ZNF462: variants seen among roughly 807,000 people sequenced by gnomAD.
ZNF462 encodes the protein zinc finger protein 462.
ZNF462 carries 10 observed loss-of-function variants against 201.9 expected under a neutral mutation model. That is an observed-to-expected ratio of 0.05 (90% CI 0.03 to 0.08). ZNF462 has a LOEUF of 0.08. Ranked by LOEUF, ZNF462 falls within the 10% of genes least tolerant of loss-of-function variation. ZNF462 has a pLI of 1.00. For synonymous variants in ZNF462, 1,227 were observed against 1,193.3 expected (o/e 1.03, Z -0.58); for missense variants, 2,523 against 3,168.3 (o/e 0.80, Z 4.89).
chr9:106,874,791 G>A (rs2130866979), intron 1 of ZNF462, among the ~76,000 whole-genome samples: 1 of 152,308 alleles, frequency 6.6e-6, no homozygotes, highest in East Asian at 1.9e-4. Flanking sequence ...AAGAACAGAT[G>A]TCAGCTGTTT....
rs1379889244 is a variant in ZNF462, at chr9:106,927,776, C to T, written c.3864C>T (p.His1288=). 3 of 1,614,034 alleles carry T rather than the reference C, an allele frequency of 1.9e-6. No individual in the cohort carries two copies. The highest frequency in any genetic ancestry group is 2.7e-5 in the African/African-American group (2 of 74,902). ...YALRKHIKKD[H]PALKATVTSI... ...TGAGGAAGCATATCAAGAAAGACCA[C>T]CCCGCCCTGAAAGCCACAGTCACGT... The change falls in exon 3 of 13, where the codon CAC becomes CAT. Residue 1288 remains histidine (H), a synonymous_variant. Transcript: ENST00000277225.
At chr9:106,893,676 A>C (rs1288671148) in intron 1 of ZNF462, among the ~76,000 whole-genome samples, 1 of 152,224 alleles carries the variant, frequency 6.6e-6, no homozygotes, top group African/African-American at 2.4e-5. Context: ...AGGAGACGGC[A>C]GGAACTATAT....
rs1020259370 is a variant in ZNF462, at chr9:106,929,511, A to G, written c.5599A>G (p.Thr1867Ala). Residue 1867 changes from threonine (T) to alanine (A), a missense_variant, in exon 3 of 13, where the codon ACT (threonine) becomes GCT (alanine). Thr to Ala is a moderately conservative substitution (Grantham distance 58, BLOSUM62 0). This residue lies in a region of ZNF462 where 207 missense variants were observed against 231.6 expected (regional missense o/e 0.89). Coordinates refer to ENST00000277225, the MANE Select transcript of ZNF462 (RefSeq NM_021224.6). This position sits in a 1 kb window ranked among gnomAD's most constrained non-coding sequence, Gnocchi z 8.7. ...STAELLCMHY[T>A]DHHSRDLKRD... The stretch of plus-strand genomic sequence containing the variant: ...TGCAGAGCTGCTGTGCATGCATTAC[A>G]CTGACCACCACAGTCGGGACCTAAA... 6.2e-7 allele frequency: 1 copy of G among 1,614,100 alleles called. No individual in the cohort carries two copies. The highest frequency in any genetic ancestry group is 1.7e-5 in the Admixed American group (1 of 60,026).
rs1285837194 is a variant in ZNF462, at chr9:106,905,140, C to T, written c.-30-18214C>T. On this transcript the variant is annotated intron_variant, in intron 1 of 12. Transcript: ENST00000277225. The surrounding 1 kb of genome is among the most constrained non-coding windows in gnomAD (Gnocchi z 5.9). Reference sequence around the variant, plus strand: ...TCCCTTGATGTGTAGTACTCTCCCCCTTTTCCTATGGATGTGGCTTCCTAT... The same window carrying T: ...TCCCTTGATGTGTAGTACTCTCCCCTTTTTCCTATGGATGTGGCTTCCTAT... Among the ~76,000 whole-genome samples, 1 of 152,156 alleles carries T rather than the reference C, an allele frequency of 6.6e-6. No homozygotes were observed. The highest frequency in any genetic ancestry group is 1.5e-5 in the Non-Finnish European group (1 of 68,020).
chr9:106,973,998 A>G (rs1252071445), intron 8 of ZNF462, 139 bp from the exon 9 acceptor site: 2 of 1,145,254 alleles, frequency 1.7e-6, no homozygotes, highest in Non-Finnish European at 2.5e-6. Context: ...GTCAACAAAC[A>G]TGATGAACAG....
At chr9:106,877,727 C>CG (rs1827898806) in intron 1 of ZNF462, among the ~76,000 whole-genome samples, 1 of 152,162 alleles carries the variant, frequency 6.6e-6, no homozygotes, top group African/African-American at 2.4e-5. Context: ...AGTTGCCACT[C>CG]TAACTTTGTC....
intron 11 of ZNF462, among the ~76,000 whole-genome samples, chr9:107,007,306 G>GTA (rs1829617375): frequency 6.6e-6 from 1 of 152,290 alleles, no homozygotes; most frequent in African/African-American, 2.4e-5. Flanking sequence ...GATGTGTGTG[G>GTA]TATACCAGGC....
upstream of ZNF462, among the ~76,000 whole-genome samples, chr9:106,862,252 C>A (rs377650076): frequency 6.6e-6 from 1 of 152,360 alleles, no homozygotes; most frequent in African/African-American, 2.4e-5. This position sits in a 1 kb window ranked among gnomAD's most constrained non-coding sequence, Gnocchi z 4.2. Context: ...TTTATACTTG[C>A]AACCTCCAGT....
intron 7 of ZNF462, among the ~76,000 whole-genome samples, chr9:106,967,888 A>AT (rs896977066): frequency 7.3e-5 from 11 of 151,156 alleles, no homozygotes; most frequent in Non-Finnish European, 8.9e-5. Context: ...GTCTTGCTTT[A>AT]TTTTTTTTCA....
In ZNF462 at chr9:106,927,472, C is replaced by T. The variant is rs780292744; in HGVS notation, c.3560C>T (p.Pro1187Leu). ...AGCAGCTCTGAGAGAGATGGCCCTCCTGTGGAGAATGAGATGTTCTTTTGC... is the reference window on the plus strand; with the variant it reads ...AGCAGCTCTGAGAGAGATGGCCCTCTTGTGGAGAATGAGATGTTCTTTTGC... ...NRSSSERDGPPVENEMFFCQH... is the reference protein window; with the variant it reads ...NRSSSERDGPLVENEMFFCQH... The change falls in exon 3 of 13, where the codon CCT (proline) becomes CTT (leucine). Residue 1187 changes from proline to leucine, a missense_variant. Transcript: ENST00000277225. 3.1e-6 allele frequency: 5 copies of T among 1,613,954 alleles called. No homozygotes were observed. In the South Asian group the frequency reaches 3.3e-5, roughly 11 times the overall value.
In ZNF462 at chr9:106,924,637, A is replaced by G. The variant is rs763912584; in HGVS notation, c.725A>G (p.Asn242Ser). Residue 242 changes from asparagine to serine, a missense_variant, in exon 3 of 13, where the codon AAC becomes AGC. By Grantham distance (46) the Asn-to-Ser change is conservative. Around this residue, in one of 15 missense-constraint regions of ZNF462, gnomAD observed 480 missense variants for 544.4 expected, o/e 0.88. Coordinates refer to ENST00000277225, the MANE Select transcript of ZNF462 (RefSeq NM_021224.6). The surrounding 1 kb of genome is among the most constrained non-coding windows in gnomAD (Gnocchi z 6.2). ...AAGCCTTTGACCAAATCTCGAGGCA[A>G]CTTTTGTTGTGAGTGGTGCAGCTAC... is the stretch of plus-strand genomic sequence containing the variant. ...MVKPLTKSRG[N>S]FCCEWCSYQT... The G allele has an allele frequency of 6.2e-6, 10 of 1,614,142 alleles. No individual in the cohort carries two copies. The South Asian group carries it at 9.9e-5, about 16-fold the overall frequency.
chr9:106,891,411 G>A (rs1379099116), intron 1 of ZNF462, among the ~76,000 whole-genome samples: 10 of 151,730 alleles, frequency 6.6e-5, no homozygotes, highest in South Asian at 2.1e-4. Flanking sequence ...TCTTGTTGGC[G>A]GAGACATACA....
At chr9:106,976,236 GC>G (rs1353939289) in intron 9 of ZNF462, 1 of 152,212 alleles carries the variant, frequency 6.6e-6, no homozygotes, top group Non-Finnish European at 1.5e-5. Flanking sequence ...GAGGTGCCAT[GC>G]CCTTGTTCAC....
chr9:106,999,208 CT>C (rs1828980902), intron 10 of ZNF462, among the ~76,000 whole-genome samples: 1 of 152,088 alleles, frequency 6.6e-6, no homozygotes, highest in African/African-American at 2.4e-5. Flanking sequence ...TGCTTCTCAT[CT>C]TTAGAGGAAA....
chr9:107,001,716 C>T (rs1408179799), intron 10 of ZNF462, among the ~76,000 whole-genome samples: 1 of 152,150 alleles, frequency 6.6e-6, no homozygotes, highest in Non-Finnish European at 1.5e-5. Flanking sequence ...TGACCTCTTT[C>T]TCCTCTTGCC....
In ZNF462 at chr9:106,983,548, G is replaced by A. The variant is rs146144747; in HGVS notation, c.6833-638G>A. Among the ~76,000 whole-genome samples, 524 of 152,296 alleles carry A rather than the reference G, an allele frequency of 3.4e-3. 4 individuals are homozygous for A. The highest frequency in any genetic ancestry group is 0.011 in the African/African-American group (454 of 41,556). ...TAGAAGGGGAAATGAGAATGGAATT[G>A]GAAATAGTGAGAAATAATAGATTTA... is the stretch of plus-strand genomic sequence containing the variant. On this transcript the variant is annotated intron_variant, in intron 9 of 12. Transcript: ENST00000277225.
At position 106,974,692 on chromosome 9, in the gene ZNF462, A is replaced by C. The variant is rs568145953; in HGVS notation, c.6832+419A>C. 18 of 252,308 alleles carry C rather than the reference A, an allele frequency of 7.1e-5. No homozygotes were observed. The highest frequency in any genetic ancestry group is 3.9e-4 in the African/African-American group (18 of 45,800). The allele number at this position is 252,308 out of a possible 1,614,324, so 15.6% of individuals were successfully genotyped here. On this transcript the variant is annotated intron_variant, in intron 9 of 12. Coordinates refer to ENST00000277225, the MANE Select transcript of ZNF462 (RefSeq NM_021224.6). The surrounding 1 kb of genome is among the most constrained non-coding windows in gnomAD (Gnocchi z 4.0). ...TCAAGAAGACCAAAATGATTTCCAA[A>C]GCAGAACATGGAACTTCCCTTGAAA...
intron 7 of ZNF462, among the ~76,000 whole-genome samples, chr9:106,944,998 A>G (rs952271212): frequency 5.9e-5 from 9 of 152,158 alleles, no homozygotes; most frequent in African/African-American, 9.7e-5. Flanking sequence ...ATGTACAAAA[A>G]CAAAGGAAAG....
Position 106,974,388 on chromosome 9 carries a change from T to C in ZNF462, c.6832+115T>C, listed in dbSNP as rs774084655. On this transcript the variant is annotated intron_variant, in intron 9 of 12. Coordinates refer to ENST00000277225, the MANE Select transcript of ZNF462 (RefSeq NM_021224.6). The surrounding 1 kb of genome is among the most constrained non-coding windows in gnomAD (Gnocchi z 4.0). Reference sequence around the variant, plus strand: ...CACCTGTGCCTTGTTCCTCACCTTATCTTCAGGCAAGAAACCACAGTGATA... The same window carrying C: ...CACCTGTGCCTTGTTCCTCACCTTACCTTCAGGCAAGAAACCACAGTGATA... 2 of 1,505,460 alleles carry C rather than the reference T, an allele frequency of 1.3e-6. No individual in the cohort carries two copies. Among genetic ancestry groups the C allele is most frequent in the Non-Finnish European group, 1.8e-6 (2 of 1,082,684 alleles). The allele number at this position is 1,505,460 out of a possible 1,614,324, so 93.3% of individuals were successfully genotyped here.
Sources: allele counts gnomAD v4.1 joint callset (sites outside exome capture counted in the v4.1 genomes callset), GRCh38; gene constraint gnomAD v4.1.1; regional missense constraint gnomAD v4.1.1; non-coding constraint Gnocchi (gnomAD v3.1); transcripts MANE v1.5; gene names NCBI Gene and HGNC (gene_info 2026-07-23, HGNC 2026-07-21).